MYO10: variants seen among roughly 807,000 people sequenced by gnomAD.
MYO10 encodes the protein myosin X, also known as unconventional myosin-X.
In MYO10, 133 loss-of-function variants were observed where a neutral mutation model predicts 257.3. That is an observed-to-expected ratio of 0.52 (90% CI 0.45 to 0.60). The LOEUF (loss-of-function observed/expected upper bound fraction) is 0.60, where lower values mean the gene tolerates loss of function less well. MYO10 is among the 20% of genes least tolerant of loss of function. MYO10 has a pLI of 0.00. For synonymous variants in MYO10, 1,104 were observed against 1,028.6 expected (o/e 1.07, Z -1.40); for missense variants, 2,399 against 2,635.7 (o/e 0.91, Z 1.97).
At position 16,779,577 on chromosome 5, in the gene MYO10, T is replaced by C. The variant is rs1741337806; in HGVS notation, c.898A>G (p.Ile300Val). ...NQSGCVEDKT[I>V]SDQESFREVI... ...TCCCTAAAGGATTCCTGGTCACTGA[T>C]TGTCTTGTCTTCTACACATCCAGAC... The change falls in exon 9 of 41, where the codon ATC becomes GTC. Residue 300 changes from isoleucine to valine, a missense_variant. Physicochemically the swap from Ile to Val is conservative, Grantham distance 29. Coordinates refer to ENST00000513610, the MANE Select transcript of MYO10 (RefSeq NM_012334.3). 2.5e-6 allele frequency: 4 copies of C among 1,587,984 alleles called. No homozygotes were observed. The highest frequency in any genetic ancestry group is 3.4e-6 in the Non-Finnish European group (4 of 1,171,566).
rs1446936380 is a variant in MYO10, at chr5:16,662,324, T to TTTTTG, written c.*4367_*4368insCAAAA. On this transcript the variant is annotated 3_prime_UTR_variant, in exon 41 of 41. Transcript: ENST00000513610. ...TCTTAGATTTCTGAACTATTTTTTT[T>TTTTTG]TTTTTTTTTTTTTTTTGGAGACAGA... 8.9e-5 allele frequency: 7 copies of TTTTTG among 78,380 alleles called. 1 individual carries two copies. The highest frequency in any genetic ancestry group is 1.8e-4 in the Non-Finnish European group (7 of 38,742). The allele number at this position is 78,380 out of a possible 1,614,324, so 4.9% of individuals were successfully genotyped here.
intron 1 of MYO10, among the ~76,000 whole-genome samples, chr5:16,929,002 G>C (rs1463576276): frequency 6.6e-6 from 1 of 151,138 alleles, no homozygotes; most frequent in Non-Finnish European, 1.5e-5. Flanking sequence ...GCCCAGGCTG[G>C]AGTGCAGTGG....
At chr5:16,778,912 A>T (rs9791093) in intron 9 of MYO10, among the ~76,000 whole-genome samples, 2 of 151,628 alleles carry the variant, frequency 1.3e-5, no homozygotes, top group African/African-American at 4.9e-5. Context: ...GGATGGTCTC[A>T]ATCTCCTGAC....
chr5:16,896,466 C>T (rs1745221396), intron 1 of MYO10, among the ~76,000 whole-genome samples: 1 of 152,098 alleles, frequency 6.6e-6, no homozygotes, highest in South Asian at 2.1e-4. Flanking sequence ...CATGGTAGCA[C>T]ATGCCTGTAA....
chr5:16,877,184 G>A (rs1023912178), intron 2 of MYO10, among the ~76,000 whole-genome samples: 1 of 152,140 alleles, frequency 6.6e-6, no homozygotes, highest in Non-Finnish European at 1.5e-5. Flanking sequence ...ATTCTGTCAT[G>A]GCAGCCCAAA....
chr5:16,909,724 A>T (rs1745610446), intron 1 of MYO10, among the ~76,000 whole-genome samples: 1 of 152,082 alleles, frequency 6.6e-6, no homozygotes, highest in Non-Finnish European at 1.5e-5. Flanking sequence ...ACCAAGTCGC[A>T]TGTTGACATC....
intron 9 of MYO10, among the ~76,000 whole-genome samples, chr5:16,770,277 AT>A (rs1261760806): frequency 6.6e-6 from 1 of 152,160 alleles, no homozygotes; most frequent in Non-Finnish European, 1.5e-5. Flanking sequence ...CTGATGGAAA[AT>A]CTAAATAGAT....
chr5:16,919,463 CCTCCTATCCTGG>C (rs1452441412), intron 1 of MYO10, among the ~76,000 whole-genome samples: 1 of 149,916 alleles, frequency 6.7e-6, no homozygotes, highest in East Asian at 1.9e-4. Context: ...AGCTCTCTGG[CCTCCTATCCTGG>C]CTCTATCATT....
intron 3 of MYO10, among the ~76,000 whole-genome samples, chr5:16,808,480 TA>T (rs1239762925): frequency 2.0e-5 from 3 of 151,866 alleles, no homozygotes; most frequent in African/African-American, 4.8e-5. Flanking sequence ...TAATAATAAA[TA>T]AAAATAAAAA....
intron 39 of MYO10, among the ~76,000 whole-genome samples, chr5:16,669,651 A>T (rs989168476): frequency 2.6e-5 from 4 of 152,226 alleles, no homozygotes; most frequent in Non-Finnish European, 5.9e-5. Context: ...AACAGGCATA[A>T]TTGAACCAAC....
intron 2 of MYO10, among the ~76,000 whole-genome samples, chr5:16,853,267 G>A (rs982815569): frequency 4.0e-5 from 6 of 151,890 alleles, no homozygotes; most frequent in Non-Finnish European, 7.4e-5. Flanking sequence ...CCAGCTACTC[G>A]GGAGGCTGAG....
intron 5 of MYO10, among the ~76,000 whole-genome samples, chr5:16,782,343 C>T (rs963245793): frequency 8.5e-5 from 13 of 152,154 alleles, no homozygotes; most frequent in African/African-American, 1.2e-4. Context: ...CACGGGATCT[C>T]GGTTGCAACT....
chr5:16,772,363 C>A (rs1441048921), intron 9 of MYO10, among the ~76,000 whole-genome samples: 2 of 152,062 alleles, frequency 1.3e-5, no homozygotes, highest in Non-Finnish European at 2.9e-5. Context: ...GAACTCCCGA[C>A]CTCAGGTGAT....
chr5:16,673,762 G>C lies in MYO10; in HGVS notation c.5092C>G (p.Gln1698Glu), dbSNP rs1170744038. 1.2e-6 allele frequency: 2 copies of C among 1,613,840 alleles called. No homozygotes were observed. The highest frequency in any genetic ancestry group is 1.3e-5 in the African/African-American group (1 of 74,906). ...CAATAGACCGTGGATGTCATTTCCT[G>C]CCTGTGGATCAGAGCTTCTATTTCA... ...RDEIEALIHR[Q>E]EMTSTVYCHG... Residue 1698 changes from glutamine to glutamate, a missense_variant, in exon 36 of 41, where the codon CAG becomes GAG. Coordinates refer to ENST00000513610, the MANE Select transcript of MYO10 (RefSeq NM_012334.3).
chr5:16,844,775 A>G (rs1424161202), intron 2 of MYO10, among the ~76,000 whole-genome samples: 1 of 147,878 alleles, frequency 6.8e-6, no homozygotes. Flanking sequence ...TGCTCAATCA[A>G]TAGATTTTAA....
chr5:16,678,505 G>A (rs911791140), intron 33 of MYO10, among the ~76,000 whole-genome samples: 2 of 152,134 alleles, frequency 1.3e-5, no homozygotes, highest in African/African-American at 2.4e-5. Flanking sequence ...GCTTGAACCC[G>A]GGAGGCGGAG....
At chr5:16,876,420 T>G (rs1300223444) in intron 2 of MYO10, among the ~76,000 whole-genome samples, 1 of 152,192 alleles carries the variant, frequency 6.6e-6, no homozygotes, top group Non-Finnish European at 1.5e-5. Context: ...CAGGAGAAAC[T>G]TCTTCAGTTG....
At chr5:16,822,429 T>C (rs946062343) in intron 2 of MYO10, among the ~76,000 whole-genome samples, 6 of 152,026 alleles carry the variant, frequency 3.9e-5, no homozygotes, top group African/African-American at 1.4e-4. Context: ...AAAAAACAAA[T>C]ATACAAGTGA....
rs1740802889 is a variant in MYO10 at position 16,764,260 on chromosome 5, T to C, written c.1316A>G (p.Glu439Gly). 2 of 1,613,898 alleles carry C rather than the reference T, an allele frequency of 1.2e-6. No individual in the cohort carries two copies. Among genetic ancestry groups the C allele is most frequent in the Non-Finnish European group, 1.7e-6 (2 of 1,179,902 alleles). ...SIGILDIFGF[E>G]NFEVNHFEQF... is the part of the protein sequence containing the mutation. ...TGTTAGGAAACCTACCTCAAAGTTT[T>C]CAAATCCAAAGATGTCGAGGATGCC... The change falls in exon 12 of 41, where the codon GAA becomes GGA. Residue 439 changes from glutamate (E) to glycine (G), a missense_variant. Transcript: ENST00000513610.
Sources: gnomAD v4.1 joint callset for allele counts (sites outside exome capture counted in the v4.1 genomes callset) on GRCh38, gnomAD v4.1.1 for gene constraint, MANE v1.5 for transcripts, NCBI Gene and HGNC (gene_info 2026-07-23, HGNC 2026-07-21) for gene names.